Variants in SUGP1 observed in about 807,000 individuals in gnomAD.
The protein encoded by SUGP1 is SURP and G-patch domain-containing protein 1.
A neutral mutation model predicts 76.5 loss-of-function variants in SUGP1; 34 were observed. That is an observed-to-expected ratio of 0.44 (90% CI 0.34 to 0.59). SUGP1 has a LOEUF of 0.59. Ranked by LOEUF, SUGP1 falls within the 20% of genes least tolerant of loss-of-function variation. The pLI, the probability that SUGP1 is intolerant of heterozygous loss-of-function variation, is 0.01. For synonymous variants in SUGP1, 326 were observed against 326.2 expected (o/e 1.00, Z 0.01); for missense variants, 752 against 851.7 (o/e 0.88, Z 1.46).
Position 19,292,951 on chromosome 19 carries a change from G to C in SUGP1, c.1243+4038C>G, listed in dbSNP as rs559440358. Among the ~76,000 whole-genome samples, 13 of 151,988 alleles carry C rather than the reference G, an allele frequency of 8.6e-5. No individual in the cohort carries two copies. The East Asian group carries it at 2.5e-3, about 30-fold the overall frequency. On this transcript the variant is annotated intron_variant, in intron 8 of 13. Coordinates refer to ENST00000247001, the MANE Select transcript of SUGP1 (RefSeq NM_172231.4). The stretch of plus-strand genomic sequence containing the variant: ...AGACTCAGTCTCACTCTGTTGCCCA[G>C]GCTGGAGTGCAGTTGCTCAATCTCG...
At chr19:19,318,248 T>A (rs568413500) in intron 1 of SUGP1, among the ~76,000 whole-genome samples, 1 of 150,144 alleles carries the variant, frequency 6.7e-6, no homozygotes, top group Non-Finnish European at 1.5e-5. Flanking sequence ...CTCCCGAGTA[T>A]CTGGGACTAC....
At chr19:19,296,923 A>C in intron 8 of SUGP1, 66 bp downstream of exon 8, 11 of 1,322,858 alleles carry the variant, frequency 8.3e-6, no homozygotes, top group South Asian at 1.5e-5. Context: ...TGAACCTTGA[A>C]GACATTATGC....
intron 1 of SUGP1, among the ~76,000 whole-genome samples, chr19:19,316,856 G>A (rs975938877): frequency 6.6e-6 from 1 of 152,042 alleles, no homozygotes; most frequent in Admixed American, 6.6e-5. Context: ...AGTAACTTTC[G>A]GGCTGGTGCA....
chr19:19,276,976 G>C lies in SUGP1; in HGVS notation c.1882C>G (p.Leu628Val). 1 of 1,613,120 alleles carries C rather than the reference G, an allele frequency of 6.2e-7. No individual in the cohort carries two copies. Among genetic ancestry groups the C allele is most frequent in the Non-Finnish European group, 8.5e-7 (1 of 1,180,034 alleles). ...EYEAFRKRMM[L>V]AYRFRPNPLN... ...GGGTTGGGCCGGAAGCGGTAGGCCA[G>C]CATCATCCTCTTGCGGAACGCCTCA... is the stretch of plus-strand genomic sequence containing the variant. The change falls in exon 13 of 14, where the codon CTG (leucine) becomes GTG (valine). Residue 628 changes from leucine to valine, a missense_variant. By Grantham distance (32) the Leu-to-Val change is conservative. Coordinates refer to ENST00000247001, the MANE Select transcript of SUGP1 (RefSeq NM_172231.4).
intron 8 of SUGP1, among the ~76,000 whole-genome samples, chr19:19,282,829 G>A (rs2146594020): frequency 6.6e-6 from 1 of 152,278 alleles, no homozygotes; most frequent in South Asian, 2.1e-4. Context: ...TGTAATCCCA[G>A]AACTTTGGGA....
intron 10 of SUGP1, 60 bp from the exon 11 acceptor site, chr19:19,278,856 G>A: frequency 1.6e-5 from 25 of 1,541,382 alleles, no homozygotes; most frequent in Non-Finnish European, 2.0e-5. Flanking sequence ...GAGCAGGCCT[G>A]GTGGCTCCCA....
At chr19:19,291,660 C>T (rs970259249) in intron 8 of SUGP1, among the ~76,000 whole-genome samples, 8 of 151,834 alleles carry the variant, frequency 5.3e-5, no homozygotes, top group Admixed American at 1.3e-4. Context: ...GAGGCCGAAG[C>T]GGGTGGATCA....
intron 8 of SUGP1, among the ~76,000 whole-genome samples, chr19:19,284,491 G>A (rs80045970): frequency 9.1e-4 from 138 of 151,882 alleles, no homozygotes; most frequent in Non-Finnish European, 1.5e-3. Context: ...AGAAATTCAC[G>A]AAGCTGTTAT....
Position 19,305,960 on chromosome 19 carries a change from C to A in SUGP1, c.427G>T (p.Val143Leu). The A allele has an allele frequency of 1.2e-6, 2 of 1,612,534 alleles. No homozygotes were observed. Among genetic ancestry groups the A allele is most frequent in the South Asian group, 2.2e-5 (2 of 91,062 alleles). ...TGCTTGGCGTGGGAGTAGCTCTTCA[C>A]AGGGCCCGGCAGGCTGGCCAGCCCC... Reference protein sequence around the residue: ...GLGLASLPGPVKSYSHAKQLP... With the variant: ...GLGLASLPGPLKSYSHAKQLP... The change falls in exon 4 of 14, where the codon GTG becomes TTG. Residue 143 changes from valine (V) to leucine (L), a missense_variant. Transcript: ENST00000247001.
chr19:19,309,468 T>C (rs2061338725), intron 3 of SUGP1, among the ~76,000 whole-genome samples: 1 of 151,668 alleles, frequency 6.6e-6, no homozygotes, highest in African/African-American at 2.4e-5. Context: ...TGAGCAAGAG[T>C]GAGGCCCTCT....
At chr19:19,283,529 A>G (rs2061116161) in intron 8 of SUGP1, among the ~76,000 whole-genome samples, 1 of 150,796 alleles carries the variant, frequency 6.6e-6, no homozygotes, top group Non-Finnish European at 1.5e-5. Context: ...ACTTCGGCTC[A>G]CTGCAACCTC....
At chr19:19,281,663 G>A (rs988015217) in intron 8 of SUGP1, among the ~76,000 whole-genome samples, 8 of 152,310 alleles carry the variant, frequency 5.3e-5, no homozygotes, top group South Asian at 2.1e-4. Context: ...AGGGCACGTC[G>A]GACTCCTCCA....
At position 19,278,760 on chromosome 19, in the gene SUGP1, T is replaced by C; in HGVS notation, c.1565A>G (p.Lys522Arg). The change falls in exon 11 of 14, where the codon AAG (lysine) becomes AGG (arginine). Residue 522 changes from lysine to arginine, a missense_variant. Physicochemically the swap from Lys to Arg is conservative, Grantham distance 26 (BLOSUM62 2). This residue lies in a region of SUGP1 where 132 missense variants were observed against 234.4 expected (regional missense o/e 0.56). Coordinates refer to ENST00000247001, the MANE Select transcript of SUGP1 (RefSeq NM_172231.4). ...AEQLTKMGRG[K>R]HFIGDFLPPD... ...AGGCAGGAAGTCTCCGATGAAGTGC[T>C]TGCCCCGGCCCATCTTTGTCAGCTG... The C allele has an allele frequency of 6.2e-7, 1 of 1,614,014 alleles. No homozygotes were observed. The highest frequency in any genetic ancestry group is 8.5e-7 in the Non-Finnish European group (1 of 1,179,978).
intron 5 of SUGP1, 49 bp downstream of exon 5, chr19:19,303,675 C>T: frequency 6.2e-7 from 1 of 1,606,370 alleles, no homozygotes. Context: ...TGCGACTGTG[C>T]AGCAAACGCA....
At chr19:19,316,820 G>A (rs934786906) in intron 1 of SUGP1, among the ~76,000 whole-genome samples, 4 of 152,110 alleles carry the variant, frequency 2.6e-5, no homozygotes, top group Non-Finnish European at 5.9e-5. Context: ...CTTCAGGCTG[G>A]GAAGACAATA....
At chr19:19,300,358 G>C (rs1184946369) in intron 7 of SUGP1, among the ~76,000 whole-genome samples, 1 of 151,626 alleles carries the variant, frequency 6.6e-6, no homozygotes, top group African/African-American at 2.4e-5. Flanking sequence ...TTACAGGCGT[G>C]AGCCACCGCA....
At chr19:19,305,627 G>A in intron 4 of SUGP1, 2 of 469,468 alleles carry the variant, frequency 4.3e-6, no homozygotes, top group Non-Finnish European at 7.6e-6. Context: ...CTGCTCCCAA[G>A]ATGAAGCCCA....
rs936873936 is a variant in SUGP1, at chr19:19,277,657, G to A, written c.1781+77C>T. ...ACAAGGGAAAAGCGATGACATAAAGGGGTGGGAATGGGGAGGCGGCAGGGG... is the reference window on the plus strand; with the variant it reads ...ACAAGGGAAAAGCGATGACATAAAGAGGTGGGAATGGGGAGGCGGCAGGGG... On this transcript the variant is annotated intron_variant, in intron 12 of 13. Transcript: ENST00000247001. The A allele has an allele frequency of 5.8e-6, 9 of 1,547,550 alleles. No individual in the cohort carries two copies. In the Admixed American group the frequency reaches 7.0e-5, roughly 12 times the overall value.
intron 7 of SUGP1, among the ~76,000 whole-genome samples, chr19:19,300,940 C>T (rs1006804671): frequency 1.3e-5 from 2 of 152,216 alleles, no homozygotes; most frequent in Non-Finnish European, 2.9e-5. Flanking sequence ...CCAAGCAGAG[C>T]CACCGGGCTC....
Sources: allele counts gnomAD v4.1 joint callset (sites outside exome capture counted in the v4.1 genomes callset), GRCh38; gene constraint gnomAD v4.1.1; regional missense constraint gnomAD v4.1.1; transcripts MANE v1.5; gene names NCBI Gene and HGNC (gene_info 2026-07-23, HGNC 2026-07-21).